STRN3: variants seen among roughly 807,000 people sequenced by gnomAD.
STRN3 encodes striatin 3.
In STRN3, 29 loss-of-function variants were observed where a neutral mutation model predicts 95.6. The observed-to-expected ratio is 0.30, with a 90% confidence interval of 0.23 to 0.41. The LOEUF (loss-of-function observed/expected upper bound fraction) is 0.41, where lower values mean the gene tolerates loss of function less well. Among genes scored for constraint, STRN3 ranks in the 10% least tolerant of loss-of-function variants. The pLI, the probability that STRN3 is intolerant of heterozygous loss-of-function variation, is 1.00. For missense variants in STRN3, 890 were observed against 972.1 expected (o/e 0.92, Z 1.12); for synonymous variants, 331 against 357.6 (o/e 0.93, Z 0.84).
chr14:30,954,522 C>G (rs1014332573), intron 3 of STRN3, among the ~76,000 whole-genome samples: 3 of 152,032 alleles, frequency 2.0e-5, no homozygotes, highest in African/African-American at 7.2e-5. Flanking sequence ...TCTGCCCATC[C>G]CTTTGTTTGG....
At chr14:30,941,217 C>T (rs1158342292) in intron 5 of STRN3, among the ~76,000 whole-genome samples, 1 of 152,092 alleles carries the variant, frequency 6.6e-6, no homozygotes, top group Non-Finnish European at 1.5e-5. Flanking sequence ...GTTACAGCAG[C>T]CCAGAAGGAC....
At chr14:30,932,507 T>C (rs1024875771) in intron 7 of STRN3, 4 of 152,294 alleles carry the variant, frequency 2.6e-5, no homozygotes, top group African/African-American at 7.2e-5. Context: ...TGTACTTAAA[T>C]GAGTTATTTT....
intron 10 of STRN3, 101 bp downstream of exon 10, chr14:30,913,423 T>C (rs1455387185): frequency 1.6e-6 from 2 of 1,246,362 alleles, no homozygotes; most frequent in African/African-American, 1.5e-5. Context: ...AAACTTATCT[T>C]TTCCATGCAC....
At position 30,893,828 on chromosome 14, in the gene STRN3, G is replaced by A. The variant is rs1445810263; in HGVS notation, c.*1583C>T. 6.6e-6 allele frequency: 1 copy of A among 152,516 alleles called. No homozygotes were observed. The highest frequency in any genetic ancestry group is 1.5e-5 in the Non-Finnish European group (1 of 68,008). The allele number at this position is 152,516 out of a possible 1,614,324, so 9.4% of individuals were successfully genotyped here. A position where few individuals can be genotyped will look rare whatever the true frequency, so the allele number is the denominator to read the frequency against. On this transcript the variant is annotated 3_prime_UTR_variant, in exon 18 of 18. Coordinates refer to ENST00000357479, the MANE Select transcript of STRN3 (RefSeq NM_001083893.2). ...CTCCATTTCCTAGTTTAATTATGGA[G>A]AATAAAGTATTGCACTTTATTATTC...
intron 1 of STRN3, among the ~76,000 whole-genome samples, chr14:30,979,525 T>C (rs1449070542): frequency 6.6e-6 from 1 of 152,212 alleles, no homozygotes; most frequent in Admixed American, 6.5e-5. Context: ...CAAATATTAC[T>C]ACTGATTTTC....
chr14:30,918,990 G>A lies in STRN3; in HGVS notation c.1216C>T (p.His406Tyr). Residue 406 changes from histidine to tyrosine, a missense_variant, in exon 9 of 18, where the codon CAT becomes TAT. His to Tyr is a moderately conservative substitution (Grantham distance 83, BLOSUM62 2). This residue lies in a region of STRN3 where 526 missense variants were observed against 526.3 expected (regional missense o/e 1.00). Transcript: ENST00000357479. ...CCTTCCTCTGCTCTTGCACCTTCAT[G>A]ATCAGTCATTCTAGTAGAGGCTGAC... is the stretch of plus-strand genomic sequence containing the variant. Reference protein sequence around the residue: ...SRSASTRMTDHEGARAEEAEP... With the variant: ...SRSASTRMTDYEGARAEEAEP... 1 of 1,596,594 alleles carries A rather than the reference G, an allele frequency of 6.3e-7. No individual in the cohort carries two copies. Among genetic ancestry groups the A allele is most frequent in the Non-Finnish European group, 8.5e-7 (1 of 1,170,410 alleles).
chr14:31,011,258 G>A (rs931345509), intron 1 of STRN3, among the ~76,000 whole-genome samples: 17 of 152,170 alleles, frequency 1.1e-4, no homozygotes, highest in African/African-American at 3.9e-4. Context: ...CACAGAAATT[G>A]TAAGTCAAGC....
chr14:31,019,190 C>A (rs1000503374), intron 1 of STRN3, among the ~76,000 whole-genome samples: 1 of 152,108 alleles, frequency 6.6e-6, no homozygotes, highest in Admixed American at 6.6e-5. Flanking sequence ...TGCCTATAGT[C>A]CAAGCTATTT....
intron 1 of STRN3, among the ~76,000 whole-genome samples, chr14:31,014,219 G>A (rs1594585333): frequency 1.3e-5 from 2 of 151,500 alleles, no homozygotes; most frequent in South Asian, 2.1e-4. Flanking sequence ...TGCAAAAATT[G>A]TTGTTGTTGT....
At chr14:30,984,731 T>C (rs1295149086) in intron 1 of STRN3, among the ~76,000 whole-genome samples, 1 of 151,904 alleles carries the variant, frequency 6.6e-6, no homozygotes, top group Non-Finnish European at 1.5e-5. Flanking sequence ...TGAGCCAAGA[T>C]TGCACCACTG....
intron 7 of STRN3, among the ~76,000 whole-genome samples, chr14:30,931,759 T>C (rs1034794511): frequency 7.2e-5 from 11 of 152,176 alleles, no homozygotes; most frequent in Non-Finnish European, 1.3e-4. Context: ...ACTCAGACTA[T>C]CTAACACAGA....
intron 8 of STRN3, among the ~76,000 whole-genome samples, chr14:30,922,673 T>C (rs1314270963): frequency 6.6e-6 from 1 of 152,214 alleles, no homozygotes; most frequent in East Asian, 1.9e-4. Flanking sequence ...GATACGCTTA[T>C]TTTAGCACAA....
chr14:30,953,177 G>A (rs932436265), intron 3 of STRN3, among the ~76,000 whole-genome samples: 4 of 152,044 alleles, frequency 2.6e-5, no homozygotes, highest in Admixed American at 6.6e-5. Context: ...TGTTGCTAAG[G>A]ATATTCTTGA....
intron 1 of STRN3, among the ~76,000 whole-genome samples, chr14:30,963,551 G>A (rs749788513): frequency 2.6e-5 from 4 of 152,130 alleles, no homozygotes; most frequent in Non-Finnish European, 5.9e-5. Flanking sequence ...TGGGACTACA[G>A]GCACACGCCA....
intron 7 of STRN3, 60 bp from the exon 8 acceptor site, chr14:30,929,371 C>T: frequency 7.8e-7 from 1 of 1,279,340 alleles, no homozygotes; most frequent in Non-Finnish European, 1.1e-6. Context: ...AAGCTGTTGG[C>T]AGTAAACTGT....
chr14:30,959,515 CAT>C (rs1880084675), intron 1 of STRN3, among the ~76,000 whole-genome samples: 2 of 135,828 alleles, frequency 1.5e-5, no homozygotes, highest in African/African-American at 2.5e-5. Flanking sequence ...GTGATAATAA[CAT>C]AATAATGACC....
At chr14:30,982,530 G>A (rs980761604) in intron 1 of STRN3, among the ~76,000 whole-genome samples, 7 of 152,286 alleles carry the variant, frequency 4.6e-5, no homozygotes, top group Non-Finnish European at 1.0e-4. Flanking sequence ...GGCTGGTGCC[G>A]AACTCTTGGC....
chr14:30,968,684 A>T (rs1880671084), intron 1 of STRN3, among the ~76,000 whole-genome samples: 1 of 152,030 alleles, frequency 6.6e-6, no homozygotes, highest in African/African-American at 2.4e-5. Context: ...ATCTCAAAAA[A>T]AAAAAAAAAG....
chr14:30,926,380 A>C (rs1020758585), intron 8 of STRN3, among the ~76,000 whole-genome samples: 1 of 152,066 alleles, frequency 6.6e-6, no homozygotes, highest in Non-Finnish European at 1.5e-5. Context: ...AATGAGTTAA[A>C]TTACAACAAT....
Sources: allele counts gnomAD v4.1 joint callset (sites outside exome capture counted in the v4.1 genomes callset), GRCh38; gene constraint gnomAD v4.1.1; regional missense constraint gnomAD v4.1.1; transcripts MANE v1.5; gene names NCBI Gene and HGNC (gene_info 2026-07-23, HGNC 2026-07-21).